The following TMEM135 variants were observed in gnomAD, a reference collection of about 807,000 sequenced individuals.
TMEM135 encodes the protein transmembrane protein 135, also known as peroxisomal membrane protein 52.
A neutral mutation model predicts 60.3 loss-of-function variants in TMEM135; 30 were observed. The observed-to-expected ratio is 0.50, with a 90% CI of 0.37 to 0.68. The LOEUF is 0.68. TMEM135 is among the 30% of genes least tolerant of loss of function. The pLI is 0.00. For missense variants in TMEM135, 468 were observed against 548.8 expected, an observed-to-expected ratio of 0.85 and a Z score of 1.47; for synonymous variants, 190 against 186.7, an observed-to-expected ratio of 1.02 and a Z score of -0.14.
intron 1 of TMEM135, among the ~76,000 whole-genome samples, chr11:87,038,782 G>A (rs964820038): frequency 1.3e-5 from 2 of 151,880 alleles, no homozygotes; most frequent in African/African-American, 4.8e-5. Context: ...TGATTTAAAG[G>A]GTGATGCCAG....
intron 5 of TMEM135, among the ~76,000 whole-genome samples, chr11:87,170,031 T>A (rs1378079600): frequency 1.3e-5 from 1 of 75,036 alleles, no homozygotes; most frequent in Non-Finnish European, 2.6e-5. Flanking sequence ...AATCTTGTCT[T>A]CGTTGATCTT....
At chr11:87,103,685 A>G (rs1356716143) in intron 4 of TMEM135, among the ~76,000 whole-genome samples, 3 of 151,164 alleles carry the variant, frequency 2.0e-5, no homozygotes, top group African/African-American at 4.9e-5. Context: ...TTGAGACAGG[A>G]TCTCGCTCTG....
At chr11:87,119,667 C>G (rs1394553129) in intron 4 of TMEM135, among the ~76,000 whole-genome samples, 1 of 152,258 alleles carries the variant, frequency 6.6e-6, no homozygotes, top group South Asian at 2.1e-4. Context: ...TGCCACTGCA[C>G]TCCAGCCTGG....
In TMEM135 at chr11:87,061,761, G is replaced by T. The variant is rs368020458; in HGVS notation, c.142-5933G>T. ...AAATGTGCAGCACTAATCACATGGG[G>T]AAAGAAACGGGAATAACAAGAGAAT... On this transcript the variant is annotated intron_variant, in intron 1 of 14. Transcript: ENST00000305494. Among the ~76,000 whole-genome samples, 10 of 152,284 alleles carry T rather than the reference G, an allele frequency of 6.6e-5. No individual in the cohort carries two copies. The East Asian group carries it at 1.7e-3, about 26-fold the overall frequency.
At chr11:87,061,420 C>T (rs1949946104) in intron 1 of TMEM135, among the ~76,000 whole-genome samples, 1 of 152,112 alleles carries the variant, frequency 6.6e-6, no homozygotes, top group African/African-American at 2.4e-5. Flanking sequence ...GTCAATAGTG[C>T]CAAGGCTGAG....
chr11:87,321,137 A>G, intron 14 of TMEM135, 64 bp from the exon 15 acceptor site: 1 of 1,438,034 alleles, frequency 7.0e-7, no homozygotes, highest in East Asian at 2.5e-5. Flanking sequence ...TAAGTCAACT[A>G]AAATGAATTA....
At chr11:87,247,643 G>C (rs569116948) in intron 6 of TMEM135, among the ~76,000 whole-genome samples, 1 of 152,200 alleles carries the variant, frequency 6.6e-6, no homozygotes. Flanking sequence ...CTCCGTGGGC[G>C]TAGGACCCTC....
At chr11:87,061,985 T>TA (rs1425192364) in intron 1 of TMEM135, among the ~76,000 whole-genome samples, 5 of 152,180 alleles carry the variant, frequency 3.3e-5, no homozygotes, top group African/African-American at 1.2e-4. Context: ...TTTGTGAAGA[T>TA]ATTAACTTAT....
At chr11:87,194,782 G>T (rs1450517622) in intron 5 of TMEM135, among the ~76,000 whole-genome samples, 1 of 152,100 alleles carries the variant, frequency 6.6e-6, no homozygotes, top group Non-Finnish European at 1.5e-5. Context: ...ACTAAATCCA[G>T]TGTACTTAGA....
At chr11:87,086,108 C>T (rs1301331893) in intron 3 of TMEM135, among the ~76,000 whole-genome samples, 1 of 152,098 alleles carries the variant, frequency 6.6e-6, no homozygotes, top group African/African-American at 2.4e-5. Context: ...CCTCCCTTGT[C>T]CTAGTGGTTA....
intron 6 of TMEM135, among the ~76,000 whole-genome samples, chr11:87,288,174 A>G (rs920209064): frequency 2.6e-5 from 4 of 152,208 alleles, no homozygotes; most frequent in Non-Finnish European, 5.9e-5. Flanking sequence ...AATAAACAGC[A>G]TTTTATATTT....
In TMEM135 at chr11:87,285,769, T is replaced by A. The variant is rs138059942; in HGVS notation, c.510-10013T>A. Among the ~76,000 whole-genome samples the A allele has an allele frequency of 4.1e-3, 617 of 152,294 alleles. 4 individuals are homozygous for A. Among genetic ancestry groups the A allele is most frequent in the African/African-American group, 0.014 (587 of 41,560 alleles). On this transcript the variant is annotated intron_variant, in intron 6 of 14. Coordinates refer to ENST00000305494, the MANE Select transcript of TMEM135 (RefSeq NM_022918.4). The stretch of plus-strand genomic sequence containing the variant: ...GGCACTGCTGACTCTGGCAGCTTGC[T>A]TTTTTCCCCTTATCTGGCCCCACCC...
chr11:87,098,775 G>A (rs922936492), intron 4 of TMEM135, among the ~76,000 whole-genome samples: 1 of 151,830 alleles, frequency 6.6e-6, no homozygotes. Flanking sequence ...TGCAAGCTCC[G>A]CCTCCTGGGT....
chr11:87,087,301 A>C (rs1237364003), intron 3 of TMEM135, among the ~76,000 whole-genome samples: 4 of 152,070 alleles, frequency 2.6e-5, no homozygotes, highest in South Asian at 2.1e-4. Context: ...AAAAAAAAAA[A>C]AAAAAACCTT....
In TMEM135 at chr11:87,040,725, A is replaced by C. The variant is rs111822350; in HGVS notation, c.141+2539A>C. ...ATCTCAGCTCTATCATTTACCAGCT[A>C]TTTGACTTTGTATATGTTACTTTAT... On this transcript the variant is annotated intron_variant, in intron 1 of 14. Coordinates refer to ENST00000305494, the MANE Select transcript of TMEM135 (RefSeq NM_022918.4). 5.3e-4 allele frequency among the ~76,000 whole-genome samples: 81 copies of C among 151,736 alleles called. 2 individuals are homozygous for C. Among genetic ancestry groups the C allele is most frequent in the African/African-American group, 1.9e-3 (77 of 41,408 alleles).
intron 5 of TMEM135, among the ~76,000 whole-genome samples, chr11:87,203,032 CAAAAA>C (rs534909524): frequency 1.2e-4 from 4 of 33,566 alleles, no homozygotes; most frequent in Non-Finnish European, 1.9e-4. Flanking sequence ...GACTCCGTCT[CAAAAA>C]AAAAAAAAAA....
intron 6 of TMEM135, among the ~76,000 whole-genome samples, chr11:87,288,667 G>T (rs1565157992): frequency 1.3e-5 from 2 of 151,844 alleles, no homozygotes; most frequent in Non-Finnish European, 2.9e-5. Context: ...TTTACTTTTA[G>T]TTTTTTTATA....
chr11:87,159,663 G>A (rs1183287628), intron 5 of TMEM135, among the ~76,000 whole-genome samples: 1 of 151,326 alleles, frequency 6.6e-6, no homozygotes, highest in African/African-American at 2.4e-5. Context: ...GGAAATGGGT[G>A]CTATGATTCC....
intron 5 of TMEM135, among the ~76,000 whole-genome samples, chr11:87,176,129 G>A (rs1007705655): frequency 1.3e-5 from 2 of 152,088 alleles, no homozygotes; most frequent in Admixed American, 6.6e-5. Context: ...AGTGTTGGAG[G>A]TGGGGCCTAA....
Sources: gnomAD v4.1 joint callset for allele counts (sites outside exome capture counted in the v4.1 genomes callset) on GRCh38, gnomAD v4.1.1 for gene constraint, MANE v1.5 for transcripts, NCBI Gene and HGNC (gene_info 2026-07-23, HGNC 2026-07-21) for gene names.